Variants in ENOX1 observed in about 807,000 individuals in gnomAD.
ENOX1 encodes candidate growth-related and time keeping constitutive hydroquinone (NADH) oxidase.
In ENOX1, 42 loss-of-function variants were observed where a neutral mutation model predicts 82.5. That is an observed-to-expected ratio of 0.51 (90% CI 0.40 to 0.66). The LOEUF is 0.66. ENOX1 is among the 30% of genes least tolerant of loss of function. ENOX1 has a pLI of 0.00. For synonymous variants in ENOX1, 271 were observed against 282.2 expected (o/e 0.96, Z 0.40); for missense variants, 608 against 811.6 (o/e 0.75, Z 3.05).
At chr13:43,345,416 A>C (rs2049318415) in intron 8 of ENOX1, among the ~76,000 whole-genome samples, 1 of 152,218 alleles carries the variant, frequency 6.6e-6, no homozygotes, top group Non-Finnish European at 1.5e-5. Context: ...TGTTTGCTTT[A>C]GATGGCTATG....
chr13:43,704,818 T>A (rs552027057), intron 1 of ENOX1, among the ~76,000 whole-genome samples: 1 of 152,352 alleles, frequency 6.6e-6, no homozygotes, highest in Non-Finnish European at 1.5e-5. Context: ...CAGCTGCTAA[T>A]AATTATTATC....
intron 2 of ENOX1, among the ~76,000 whole-genome samples, chr13:43,530,043 A>C (rs2078144847): frequency 6.6e-6 from 1 of 152,114 alleles, no homozygotes; most frequent in African/African-American, 2.4e-5. Flanking sequence ...TCCTGTGTAC[A>C]TATGCTGTTT....
rs9316046 is a variant in ENOX1, at chr13:43,614,542, CTT to C, written c.-219+52935_-219+52936del. 1.3e-4 allele frequency among the ~76,000 whole-genome samples: 17 copies of C among 129,834 alleles called. No homozygotes were observed. In the East Asian group the frequency reaches 2.7e-3, roughly 21 times the overall value. The allele number at this position is 129,834 out of a possible 152,430, so 85.2% of individuals were successfully genotyped here. ...ATAAACATTTCCCCAAAATAAAGGGCTTTTTTTTTTTTTTTTAGCACTTGCTT... is the reference window on the plus strand; with the variant it reads ...ATAAACATTTCCCCAAAATAAAGGGCTTTTTTTTTTTTTTAGCACTTGCTT... On this transcript the variant is annotated intron_variant, in intron 2 of 16. Transcript: ENST00000690772.
Position 43,213,537 on chromosome 13 carries a change from TCTTTTTC to T in ENOX1, c.*446_*452del, listed in dbSNP as rs2041290184. The T allele has an allele frequency of 7.7e-6, 1 of 129,456 alleles. No individual in the cohort carries two copies. Among genetic ancestry groups the T allele is most frequent in the African/African-American group, 2.8e-5 (1 of 35,528 alleles). 8.0% of individuals were successfully genotyped at this position (129,456 alleles called of 1,614,324 possible). ...TTTTTCTTTTTTCTTTTTTTCTTTT[TCTTTTTC>T]TTTTTTTTTTTTTTTTTTTTTTTAC... On this transcript the variant is annotated 3_prime_UTR_variant, in exon 17 of 17. Transcript: ENST00000690772.
chr13:43,568,688 G>GT (rs5803188), intron 2 of ENOX1, among the ~76,000 whole-genome samples: 57,487 of 147,476 alleles, frequency 0.39, 11,815 homozygotes, highest in East Asian at 0.77. Flanking sequence ...CAACTCCAGA[G>GT]TTTTTTTTTT....
intron 2 of ENOX1, among the ~76,000 whole-genome samples, chr13:43,500,114 A>C (rs918137657): frequency 1.3e-5 from 2 of 152,154 alleles, no homozygotes; most frequent in Non-Finnish European, 2.9e-5. Context: ...ACTAGCAAGC[A>C]ACATCAGCAA....
At chr13:43,616,364 G>T (rs1323863978) in intron 2 of ENOX1, among the ~76,000 whole-genome samples, 1 of 148,702 alleles carries the variant, frequency 6.7e-6, no homozygotes, top group East Asian at 2.0e-4. Flanking sequence ...ACCACACCTG[G>T]TTAATTTTTG....
chr13:43,726,890 C>T (rs993410498), intron 1 of ENOX1, among the ~76,000 whole-genome samples: 2 of 152,092 alleles, frequency 1.3e-5, no homozygotes, highest in Admixed American at 6.5e-5. Flanking sequence ...TACAGGCACA[C>T]GTCCCCACAC....
intron 2 of ENOX1, among the ~76,000 whole-genome samples, chr13:43,609,027 T>G (rs375458031): frequency 3.3e-5 from 5 of 152,152 alleles, no homozygotes; most frequent in Admixed American, 1.3e-4. Context: ...CAAATTACAA[T>G]GTGTATAAAA....
intron 9 of ENOX1, among the ~76,000 whole-genome samples, chr13:43,341,717 C>T (rs2049073972): frequency 6.6e-6 from 1 of 152,180 alleles, no homozygotes. Flanking sequence ...GGGAAGCACT[C>T]TGTATGGCAA....
At chr13:43,759,356 C>A (rs1311117583) in intron 1 of ENOX1, among the ~76,000 whole-genome samples, 1 of 152,104 alleles carries the variant, frequency 6.6e-6, no homozygotes, top group Non-Finnish European at 1.5e-5. Context: ...CCTCAGCCTC[C>A]CAAAGTTCTG....
At chr13:43,329,458 C>T (rs2048304687) in intron 9 of ENOX1, among the ~76,000 whole-genome samples, 1 of 152,010 alleles carries the variant, frequency 6.6e-6, no homozygotes, top group East Asian at 1.9e-4. Flanking sequence ...GAACAAGCAT[C>T]GGTGGAGGGC....
chr13:43,256,858 TA>T (rs1391173339), intron 14 of ENOX1, among the ~76,000 whole-genome samples: 1 of 152,172 alleles, frequency 6.6e-6, no homozygotes, highest in Admixed American at 6.6e-5. Context: ...GATGTATTGA[TA>T]TATTGCAGTA....
chr13:43,350,862 T>C (rs564588825), intron 8 of ENOX1, among the ~76,000 whole-genome samples: 2 of 152,296 alleles, frequency 1.3e-5, no homozygotes, highest in African/African-American at 4.8e-5. Flanking sequence ...TGGGCTATAG[T>C]ATCCTTATTT....
At chr13:43,220,880 C>A (rs1248930422) in intron 16 of ENOX1, among the ~76,000 whole-genome samples, 1 of 152,184 alleles carries the variant, frequency 6.6e-6, no homozygotes, top group Non-Finnish European at 1.5e-5. Context: ...CTACTGAGAG[C>A]ATTTCCCCAC....
chr13:43,305,489 G>T (rs1055732311), intron 11 of ENOX1, among the ~76,000 whole-genome samples: 1 of 152,028 alleles, frequency 6.6e-6, no homozygotes, highest in Non-Finnish European at 1.5e-5. Flanking sequence ...GGGAGTGCAG[G>T]GTAAGCTAGA....
At chr13:43,669,765 T>C (rs1170455211) in intron 1 of ENOX1, among the ~76,000 whole-genome samples, 1 of 152,170 alleles carries the variant, frequency 6.6e-6, no homozygotes, top group Non-Finnish European at 1.5e-5. Context: ...TCCGTTGTAA[T>C]TCTTGGGAGT....
At chr13:43,650,031 C>T (rs539867272) in intron 2 of ENOX1, among the ~76,000 whole-genome samples, 1 of 152,330 alleles carries the variant, frequency 6.6e-6, no homozygotes, top group African/African-American at 2.4e-5. Flanking sequence ...CACCAGTCAC[C>T]ATCAACACCT....
Position 43,470,273 on chromosome 13 carries a change from CATATATATACAT to C in ENOX1, c.-75+13724_-75+13735del, listed in dbSNP as rs1566305278. Among the ~76,000 whole-genome samples the C allele has an allele frequency of 6.7e-4, 30 of 44,976 alleles. 1 individual carries two copies. In the South Asian group the frequency reaches 0.014, roughly 21 times the overall value. 29.5% of individuals were successfully genotyped at this position (44,976 alleles called of 152,430 possible). A position where few individuals can be genotyped will look rare whatever the true frequency, so the allele number is the denominator to read the frequency against. On this transcript the variant is annotated intron_variant, in intron 3 of 16. Coordinates refer to ENST00000690772, the MANE Select transcript of ENOX1 (RefSeq NM_001347969.2). Reference sequence around the variant, plus strand: ...ACATATATATATACATATATATACACATATATATACATATATATATACACATATATATACATA... The same window carrying C: ...ACATATATATATACATATATATACACATATATATACACATATATATACATA...
Sources: gnomAD v4.1 joint callset for allele counts (sites outside exome capture counted in the v4.1 genomes callset) on GRCh38, gnomAD v4.1.1 for gene constraint, MANE v1.5 for transcripts, NCBI Gene and HGNC (gene_info 2026-07-23, HGNC 2026-07-21) for gene names.